The following PRKCH variants were observed in gnomAD, a reference collection of about 807,000 sequenced individuals.
PRKCH encodes protein kinase C eta type.
In PRKCH, 28 loss-of-function variants were observed where a neutral mutation model predicts 82.5. That is an observed-to-expected ratio of 0.34 (90% CI 0.25 to 0.47). The LOEUF is 0.47. PRKCH is among the 20% of genes least tolerant of loss of function. The probability of loss-of-function intolerance (pLI) is 1.00; values close to 1 mark genes in which losing one functional copy is unlikely to be tolerated. For synonymous variants in PRKCH, 322 were observed against 327.4 expected (o/e 0.98, Z 0.18); for missense variants, 705 against 881.8 (o/e 0.80, Z 2.54).
chr14:61,489,730 C>T (rs1384197279), intron 10 of PRKCH, among the ~76,000 whole-genome samples: 1 of 152,196 alleles, frequency 6.6e-6, no homozygotes, highest in Non-Finnish European at 1.5e-5. Flanking sequence ...GAAGGCCAGA[C>T]AGTGCTCATG....
intron 1 of PRKCH, among the ~76,000 whole-genome samples, chr14:61,275,986 G>A (rs190597494): frequency 3.3e-5 from 5 of 152,284 alleles, no homozygotes; most frequent in South Asian, 2.1e-4. Context: ...CTGAATATGC[G>A]TTGTCAGTGT....
chr14:61,355,613 T>C (rs2046137738), intron 1 of PRKCH, among the ~76,000 whole-genome samples: 1 of 152,212 alleles, frequency 6.6e-6, no homozygotes. Flanking sequence ...TTACTAAAAA[T>C]ATACACTAAA....
chr14:61,489,806 AG>A (rs1293119085), intron 10 of PRKCH, among the ~76,000 whole-genome samples: 1 of 152,214 alleles, frequency 6.6e-6, no homozygotes, highest in Non-Finnish European at 1.5e-5. Flanking sequence ...AGGGAAACAA[AG>A]GGGCATGCAT....
intron 13 of PRKCH, among the ~76,000 whole-genome samples, chr14:61,548,468 GTGGT>G (rs1327280615): frequency 5.9e-5 from 9 of 152,328 alleles, no homozygotes; most frequent in African/African-American, 1.7e-4. Flanking sequence ...CTTCCTGAGC[GTGGT>G]CCCGCTTGTG....
chr14:61,369,151 A>G (rs1160643979), intron 1 of PRKCH, among the ~76,000 whole-genome samples: 2 of 152,112 alleles, frequency 1.3e-5, no homozygotes, highest in Non-Finnish European at 2.9e-5. Context: ...CTTTCAGTGG[A>G]TGCTGTGTGA....
intron 1 of PRKCH, among the ~76,000 whole-genome samples, chr14:61,217,514 C>T (rs1178585926): frequency 1.3e-5 from 2 of 152,206 alleles, no homozygotes; most frequent in Non-Finnish European, 2.9e-5. Context: ...TCTCCACTCG[C>T]ACTTAGAGGA....
At chr14:61,489,643 C>G (rs956078114) in intron 10 of PRKCH, among the ~76,000 whole-genome samples, 6 of 152,220 alleles carry the variant, frequency 3.9e-5, no homozygotes, top group Non-Finnish European at 8.8e-5. Flanking sequence ...GGGAAGGAGG[C>G]AGTCATCAAG....
At chr14:61,432,193 G>A (rs1172995093) in intron 2 of PRKCH, among the ~76,000 whole-genome samples, 2 of 151,872 alleles carry the variant, frequency 1.3e-5, no homozygotes, top group East Asian at 3.9e-4. Context: ...TTTAACTCCA[G>A]TCACTTTCCT....
intron 1 of PRKCH, among the ~76,000 whole-genome samples, chr14:61,368,566 T>C (rs1161245967): frequency 6.6e-6 from 1 of 152,116 alleles, no homozygotes; most frequent in East Asian, 1.9e-4. Flanking sequence ...TCATGCTGTG[T>C]GCCTTAGGCC....
rs1886466 is a variant in PRKCH, at chr14:61,322,600, C to G, written c.363+136C>G. On this transcript the variant is annotated intron_variant, in intron 1 of 13. Coordinates refer to ENST00000332981, the MANE Select transcript of PRKCH (RefSeq NM_006255.5). ...CCCTCCAGACTTTGGTCTTCGTCCACGTGGCCGCGGCACTGGTGACGCGAC... is the reference window on the plus strand; with the variant it reads ...CCCTCCAGACTTTGGTCTTCGTCCAGGTGGCCGCGGCACTGGTGACGCGAC... The G allele has an allele frequency of 1, 1,326,479 of 1,326,484 alleles. 663,237 individuals are homozygous for G. Among genetic ancestry groups the G allele is most frequent in the Middle Eastern group, 1 (3,768 of 3,768 alleles). The allele number at this position is 1,326,484 out of a possible 1,614,324, so 82.2% of individuals were successfully genotyped here. A position where few individuals can be genotyped will look rare whatever the true frequency, so the allele number is the denominator to read the frequency against.
At chr14:61,449,896 C>G (rs1047559117) in intron 5 of PRKCH, among the ~76,000 whole-genome samples, 46 of 24,412 alleles carry the variant, frequency 1.9e-3, no homozygotes, top group South Asian at 7.2e-3. Flanking sequence ...CTCTCTCTCT[C>G]TCTCTGTGTG....
intron 1 of PRKCH, among the ~76,000 whole-genome samples, chr14:61,282,270 C>CTTTT (rs10719485): frequency 3.1e-5 from 4 of 129,350 alleles, no homozygotes; most frequent in Non-Finnish European, 5.1e-5. Context: ...GGGATTCTGG[C>CTTTT]TTTTTTTTTT....
At chr14:61,210,790 C>CTCTGTGTGTGTGTGTGTG (rs1351869252) in intron 1 of PRKCH, among the ~76,000 whole-genome samples, 3 of 138,986 alleles carry the variant, frequency 2.2e-5, no homozygotes, top group African/African-American at 8.7e-5. Context: ...CTCTCTCTCT[C>CTCTGTGTGTGTGTGTGTG]TGTGTGTGTG....
At chr14:61,517,947 A>G (rs530080806) in intron 10 of PRKCH, among the ~76,000 whole-genome samples, 2 of 152,248 alleles carry the variant, frequency 1.3e-5, no homozygotes, top group Admixed American at 1.3e-4. Flanking sequence ...CCTGCCCTTG[A>G]GTGACTGGCT....
chr14:61,453,269 C>G lies in PRKCH; in HGVS notation c.876C>G (p.Ala292=). 1 of 1,614,132 alleles carries G rather than the reference C, an allele frequency of 6.2e-7. No homozygotes were observed. Among genetic ancestry groups the G allele is most frequent in the Non-Finnish European group, 8.5e-7 (1 of 1,180,014 alleles). The change falls in exon 7 of 14, where the codon GCC becomes GCG. Residue 292 remains alanine, a synonymous_variant. Coordinates refer to ENST00000332981, the MANE Select transcript of PRKCH (RefSeq NM_006255.5). ...NVHIRCQANV[A]PNCGVNAVEL... ...ATATTCGATGTCAAGCGAACGTGGCCCCTAACTGTGGGGTAAATGCGGTGG... is the reference window on the plus strand; with the variant it reads ...ATATTCGATGTCAAGCGAACGTGGCGCCTAACTGTGGGGTAAATGCGGTGG...
chr14:61,219,574 T>G (rs1380846638), intron 1 of PRKCH, among the ~76,000 whole-genome samples: 1 of 152,226 alleles, frequency 6.6e-6, no homozygotes, highest in African/African-American at 2.4e-5. Flanking sequence ...TACCATCCTA[T>G]AAGCCAGAGG....
intron 1 of PRKCH, among the ~76,000 whole-genome samples, chr14:61,235,903 AC>A (rs1040208764): frequency 5.3e-5 from 8 of 152,132 alleles, no homozygotes; most frequent in African/African-American, 1.9e-4. Context: ...AATTCTAAGC[AC>A]CCCCAACCAG....
chr14:61,532,669 G>A (rs1354142766), intron 12 of PRKCH, among the ~76,000 whole-genome samples: 1 of 152,134 alleles, frequency 6.6e-6, no homozygotes, highest in Non-Finnish European at 1.5e-5. Context: ...TTAACCGGGT[G>A]AGCTCAGTTA....
chr14:61,268,111 C>T (rs987716521), intron 1 of PRKCH, among the ~76,000 whole-genome samples: 3 of 152,124 alleles, frequency 2.0e-5, no homozygotes, highest in Non-Finnish European at 2.9e-5. Flanking sequence ...GTACACAATG[C>T]AGTGTTTTGC....
Sources: allele counts gnomAD v4.1 joint callset (sites outside exome capture counted in the v4.1 genomes callset), GRCh38; gene constraint gnomAD v4.1.1; transcripts MANE v1.5; gene names NCBI Gene and HGNC (gene_info 2026-07-23, HGNC 2026-07-21).